GLP2R: variants seen among roughly 807,000 people sequenced by gnomAD.
The protein encoded by GLP2R is glucagon-like peptide 2 receptor.
In GLP2R, 59 loss-of-function variants were observed where a neutral mutation model predicts 68.2. That is an observed-to-expected ratio of 0.87 (90% CI 0.70 to 1.07). The LOEUF (loss-of-function observed/expected upper bound fraction) is 1.07, where lower values mean the gene tolerates loss of function less well. Among genes scored for constraint, GLP2R ranks in the 50% least tolerant of loss-of-function variants. The probability of loss-of-function intolerance (pLI) is 0.00; values close to 1 mark genes in which losing one functional copy is unlikely to be tolerated. For synonymous variants in GLP2R, 270 were observed against 265.4 expected, an observed-to-expected ratio of 1.02 and a Z score of -0.17; for missense variants, 548 against 677.4, an observed-to-expected ratio of 0.81 and a Z score of 2.12.
chr17:9,843,744 G>T (rs2066809944), intron 4 of GLP2R, among the ~76,000 whole-genome samples: 1 of 152,246 alleles, frequency 6.6e-6, no homozygotes, highest in Admixed American at 6.5e-5. Context: ...GCACAAAGCG[G>T]AGGAACAGGT....
At chr17:9,864,437 C>T (rs1349615817) in intron 9 of GLP2R, among the ~76,000 whole-genome samples, 1 of 152,166 alleles carries the variant, frequency 6.6e-6, no homozygotes, top group East Asian at 1.9e-4. Context: ...AGACCTATGA[C>T]ATTAGAAATT....
intron 4 of GLP2R, among the ~76,000 whole-genome samples, chr17:9,846,642 AC>A (rs2066841770): frequency 6.6e-6 from 1 of 152,184 alleles, no homozygotes; most frequent in Non-Finnish European, 1.5e-5. Flanking sequence ...CAAACAAAAA[AC>A]AGTTTAATGT....
intron 2 of GLP2R, among the ~76,000 whole-genome samples, chr17:9,835,317 A>C (rs2066717209): frequency 2.0e-5 from 3 of 152,084 alleles, no homozygotes; most frequent in African/African-American, 7.2e-5. Flanking sequence ...GTGGGGAATG[A>C]TGCTTGGCTT....
intron 10 of GLP2R, among the ~76,000 whole-genome samples, chr17:9,875,665 G>A (rs1342088330): frequency 6.6e-6 from 1 of 152,198 alleles, no homozygotes; most frequent in Admixed American, 6.5e-5. Context: ...TGAGCCAAGT[G>A]TGAAGGAGGA....
intron 4 of GLP2R, among the ~76,000 whole-genome samples, chr17:9,851,673 T>C (rs1208104076): frequency 1.3e-5 from 2 of 149,454 alleles, no homozygotes; most frequent in African/African-American, 4.9e-5. Context: ...AGACCACCAC[T>C]GCAAAAAATG....
intron 1 of GLP2R, among the ~76,000 whole-genome samples, chr17:9,831,673 T>C (rs577157931): frequency 6.6e-6 from 1 of 152,290 alleles, no homozygotes; most frequent in Non-Finnish European, 1.5e-5. Flanking sequence ...GCTGAGATGC[T>C]AAATCCTGAG....
intron 11 of GLP2R, among the ~76,000 whole-genome samples, chr17:9,882,979 CCATACT>C (rs2067210294): frequency 8.1e-6 from 1 of 124,066 alleles, no homozygotes; most frequent in Non-Finnish European, 1.7e-5. Context: ...AAAGTGTGAC[CCATACT>C]CAGGACAAAA....
At chr17:9,862,168 TC>T in intron 9 of GLP2R, 78 bp downstream of exon 9, 4 of 996,264 alleles carry the variant, frequency 4.0e-6, no homozygotes, top group Non-Finnish European at 6.4e-6. Flanking sequence ...CCGACTTCTG[TC>T]CCCCAGGTTC....
intron 11 of GLP2R, among the ~76,000 whole-genome samples, chr17:9,881,378 CTTTT>C (rs35526930): frequency 1.0e-5 from 1 of 95,640 alleles, no homozygotes; most frequent in African/African-American, 5.0e-5. Context: ...GCTGTCAGGC[CTTTT>C]TTTTTTTTTT....
chr17:9,842,875 CG>C (rs1179689891), intron 4 of GLP2R, among the ~76,000 whole-genome samples: 1 of 152,228 alleles, frequency 6.6e-6, no homozygotes, highest in Non-Finnish European at 1.5e-5. Context: ...TGCTGTTCCC[CG>C]TGCCTGGAGC....
intron 3 of GLP2R, among the ~76,000 whole-genome samples, chr17:9,839,736 C>T (rs2066767457): frequency 6.6e-6 from 1 of 152,194 alleles, no homozygotes. Context: ...AGCACTCTCC[C>T]CCACGTTCAG....
chr17:9,846,446 T>G (rs2066839575), intron 4 of GLP2R, among the ~76,000 whole-genome samples: 1 of 152,056 alleles, frequency 6.6e-6, no homozygotes, highest in Admixed American at 6.6e-5. Flanking sequence ...CGAAACCCCA[T>G]CTCTAAAAAA....
chr17:9,871,558 C>T lies in GLP2R; in HGVS notation c.1145+723C>T, dbSNP rs183758377. 4.6e-5 allele frequency among the ~76,000 whole-genome samples: 7 copies of T among 152,120 alleles called. No individual in the cohort carries two copies. In the East Asian group the frequency reaches 9.7e-4, roughly 21 times the overall value. ...GCATCCTTTAATTGTGACTTGTTGTCGCTGCATCTCACCTTCCTCTTTCTG... is the reference window on the plus strand; with the variant it reads ...GCATCCTTTAATTGTGACTTGTTGTTGCTGCATCTCACCTTCCTCTTTCTG... On this transcript the variant is annotated intron_variant, in intron 10 of 12. Transcript: ENST00000262441.
intron 1 of GLP2R, among the ~76,000 whole-genome samples, chr17:9,828,447 T>C (rs139328125): frequency 1.3e-5 from 2 of 152,214 alleles, no homozygotes; most frequent in South Asian, 4.1e-4. Flanking sequence ...TATCATGTAG[T>C]TTTGTTCACA....
At chr17:9,884,887 A>C (rs964540290) in intron 11 of GLP2R, among the ~76,000 whole-genome samples, 1 of 152,102 alleles carries the variant, frequency 6.6e-6, no homozygotes, top group Non-Finnish European at 1.5e-5. Context: ...GGGGGAAAAA[A>C]AACTCTGCAG....
chr17:9,826,981 C>G (rs2066638087), intron 1 of GLP2R, among the ~76,000 whole-genome samples: 1 of 152,218 alleles, frequency 6.6e-6, no homozygotes, highest in East Asian at 1.9e-4. Flanking sequence ...AAGTGATTTT[C>G]CTGCCTCAGC....
At chr17:9,841,716 A>C (rs1567720694) in intron 3 of GLP2R, among the ~76,000 whole-genome samples, 1 of 152,140 alleles carries the variant, frequency 6.6e-6, no homozygotes, top group Non-Finnish European at 1.5e-5. Flanking sequence ...CTGTCAGGGG[A>C]GTAGGGGGCT....
At chr17:9,883,245 A>C (rs1435906798) in intron 11 of GLP2R, among the ~76,000 whole-genome samples, 1 of 152,206 alleles carries the variant, frequency 6.6e-6, no homozygotes, top group Non-Finnish European at 1.5e-5. Context: ...GAAAGCTTAG[A>C]TTTAAGATTG....
chr17:9,854,570 T>C lies in GLP2R; in HGVS notation c.580T>C (p.Phe194Leu). ...ATACTCCTTCTCTCTTATCTCCCTC[T>C]TCCTGGCTCTCACCCTCCTCTTGTT... Reference protein sequence around the residue: ...VGYSFSLISLFLALTLLLFLR... With the variant: ...VGYSFSLISLLLALTLLLFLR... Residue 194 changes from phenylalanine (F) to leucine (L), a missense_variant, in exon 5 of 13, where the codon TTC becomes CTC. Transcript: ENST00000262441. 1.2e-6 allele frequency: 2 copies of C among 1,609,966 alleles called. No individual in the cohort carries two copies. Among genetic ancestry groups the C allele is most frequent in the Non-Finnish European group, 1.7e-6 (2 of 1,176,224 alleles).
Sources: allele counts gnomAD v4.1 joint callset (sites outside exome capture counted in the v4.1 genomes callset), GRCh38; gene constraint gnomAD v4.1.1; transcripts MANE v1.5; gene names NCBI Gene and HGNC (gene_info 2026-07-23, HGNC 2026-07-21).